The following TMEM47 variants were observed in gnomAD, a reference collection of about 807,000 sequenced individuals.
TMEM47 encodes the protein brain cell membrane protein 1.
TMEM47 carries 3 observed loss-of-function variants against 12.4 expected under a neutral mutation model. That is an observed-to-expected ratio of 0.24 (90% confidence interval 0.11 to 0.63). The LOEUF is 0.63. TMEM47 is among the 20% of genes least tolerant of loss of function. TMEM47 has a pLI of 0.86. For synonymous variants in TMEM47, 62 were observed against 63.3 expected, an observed-to-expected ratio of 0.98 and a Z score of 0.10; for missense variants, 89 against 143.8, an observed-to-expected ratio of 0.62 and a Z score of 1.95.
chrX:34,643,783 C>T (rs766978301), intron 1 of TMEM47, among the ~76,000 whole-genome samples: 4 of 111,389 alleles, frequency 3.6e-5, no homozygotes, highest in South Asian at 3.9e-4. Flanking sequence ...AATGTCACGC[C>T]AGCTGATTGG....
rs1458203025 is a variant in TMEM47, at chrX:34,628,914, T to C, written c.*1399A>G. On this transcript the variant is annotated 3_prime_UTR_variant, in exon 3 of 3. Transcript: ENST00000275954. ...TGAGATTAGTTGCAAACTTATTCCC[T>C]ATTATTAATACTTCCTTCCATTGAA... 8.9e-6 allele frequency: 1 copy of C among 111,836 alleles called. No homozygotes were observed. Among genetic ancestry groups the C allele is most frequent in the African/African-American group, 3.3e-5 (1 of 30,749 alleles). The allele number at this position is 111,836 out of a possible 1,213,427, so 9.2% of individuals were successfully genotyped here. A position where few individuals can be genotyped will look rare whatever the true frequency, so the allele number is the denominator to read the frequency against.
chrX:34,646,333 CA>C (rs1489786895), intron 1 of TMEM47, among the ~76,000 whole-genome samples: 3 of 111,567 alleles, frequency 2.7e-5, no homozygotes. Flanking sequence ...GTTTTTTCCT[CA>C]AATAAAACCA....
Position 34,657,253 on chromosome X carries a change from C to G in TMEM47, c.-224G>C. On this transcript the variant is annotated 5_prime_UTR_variant, in exon 1 of 3. Transcript: ENST00000275954. ...AGCCGCAGCGACGTCGATTCCACCC[C>G]GGACCTTCGCCGCCGGCCCCGCGCC... is the stretch of plus-strand genomic sequence containing the variant. The G allele has an allele frequency of 1.3e-5, 5 of 388,068 alleles. No individual in the cohort carries two copies. The highest frequency in any genetic ancestry group is 1.8e-5 in the Non-Finnish European group (5 of 272,064). The allele number at this position is 388,068 out of a possible 1,213,427, so 32.0% of individuals were successfully genotyped here. A position where few individuals can be genotyped will look rare whatever the true frequency, so the allele number is the denominator to read the frequency against.
intron 1 of TMEM47, among the ~76,000 whole-genome samples, chrX:34,645,704 T>A (rs945076653): frequency 3.6e-5 from 4 of 112,082 alleles, no homozygotes; most frequent in Non-Finnish European, 7.5e-5. Context: ...ATAATTAAAA[T>A]GACCACTTCT....
At chrX:34,637,180 C>A (rs1054719173) in intron 2 of TMEM47, among the ~76,000 whole-genome samples, 1 of 111,100 alleles carries the variant, frequency 9.0e-6, no homozygotes, top group African/African-American at 3.3e-5. Flanking sequence ...ATATCTAATT[C>A]TGAAGTCTAG....
chrX:34,652,487 T>G (rs1391101553), intron 1 of TMEM47, among the ~76,000 whole-genome samples: 2 of 112,177 alleles, frequency 1.8e-5, no homozygotes, highest in African/African-American at 6.5e-5. Flanking sequence ...TGTTTTGTTT[T>G]GAAATGTTTT....
chrX:34,650,654 A>G (rs1258780234), intron 1 of TMEM47, among the ~76,000 whole-genome samples: 3 of 112,334 alleles, frequency 2.7e-5, no homozygotes, highest in East Asian at 2.8e-4. Context: ...TCATGTAGCA[A>G]GCGTATCATC....
chrX:34,646,715 T>C (rs1921917825), intron 1 of TMEM47, among the ~76,000 whole-genome samples: 1 of 111,052 alleles, frequency 9.0e-6, no homozygotes, highest in Non-Finnish European at 1.9e-5. Flanking sequence ...CAACTAAAGT[T>C]ACTGTAATGG....
chrX:34,630,611 T>G (rs1297519884), intron 2 of TMEM47, 120 bp from the exon 3 acceptor site: 1 of 601,298 alleles, frequency 1.7e-6, no homozygotes, highest in Non-Finnish European at 2.4e-6. Flanking sequence ...AAGCCAAAAA[T>G]TTTAAAGATG....
chrX:34,633,760 T>C (rs1453943950), intron 2 of TMEM47, among the ~76,000 whole-genome samples: 1 of 111,325 alleles, frequency 9.0e-6, no homozygotes, highest in African/African-American at 3.3e-5. Context: ...GCCTCCATGG[T>C]ATAATATAAT....
At chrX:34,642,968 G>C (rs1921844390) in intron 1 of TMEM47, among the ~76,000 whole-genome samples, 1 of 111,759 alleles carries the variant, frequency 8.9e-6, no homozygotes, top group Admixed American at 9.5e-5. Context: ...TGAAAAAGTG[G>C]TTCGATATGG....
At chrX:34,637,318 A>C (rs1195278601) in intron 2 of TMEM47, among the ~76,000 whole-genome samples, 1 of 110,368 alleles carries the variant, frequency 9.1e-6, no homozygotes, top group Non-Finnish European at 1.9e-5. Context: ...CCTAAATAAA[A>C]GACCTCAGAG....
intron 1 of TMEM47, among the ~76,000 whole-genome samples, chrX:34,650,715 T>G (rs765846864): frequency 8.9e-6 from 1 of 112,277 alleles, no homozygotes; most frequent in Non-Finnish European, 1.9e-5. Context: ...TCATACAACA[T>G]AAAGTAGCAA....
intron 1 of TMEM47, among the ~76,000 whole-genome samples, chrX:34,655,377 T>G: frequency 9.0e-6 from 1 of 111,603 alleles, no homozygotes; most frequent in African/African-American, 3.3e-5. Flanking sequence ...TCTGCCGATT[T>G]ATTTTATCTT....
In TMEM47 at chrX:34,627,282, A is replaced by G. The variant is rs1354934199; in HGVS notation, c.*3031T>C. 2 of 112,268 alleles carry G rather than the reference A, an allele frequency of 1.8e-5. No individual in the cohort carries two copies. The highest frequency in any genetic ancestry group is 6.5e-5 in the African/African-American group (2 of 30,837). 9.3% of individuals were successfully genotyped at this position (112,268 alleles called of 1,213,427 possible). On this transcript the variant is annotated 3_prime_UTR_variant, in exon 3 of 3. Transcript: ENST00000275954. ...GTAAACATGTCATATATTTAAAAAT[A>G]ATAAATATAGAATAGCAGTACAGAA...
At chrX:34,636,023 C>G (rs1921709749) in intron 2 of TMEM47, among the ~76,000 whole-genome samples, 1 of 111,974 alleles carries the variant, frequency 8.9e-6, no homozygotes, top group Non-Finnish European at 1.9e-5. Context: ...CTACTAGTGG[C>G]AGCAGTATGA....
intron 1 of TMEM47, among the ~76,000 whole-genome samples, chrX:34,645,932 C>T (rs1921902332): frequency 9.0e-6 from 1 of 111,389 alleles, no homozygotes; most frequent in Admixed American, 9.6e-5. Context: ...AGGTTGGCAA[C>T]AATTTGATTT....
intron 2 of TMEM47, among the ~76,000 whole-genome samples, chrX:34,636,278 A>G (rs946054855): frequency 2.9e-4 from 32 of 111,592 alleles, no homozygotes; most frequent in African/African-American, 9.1e-4. Context: ...GAGATAGCTC[A>G]GAGATGGAAA....
chrX:34,627,608 T>G lies in TMEM47; in HGVS notation c.*2705A>C, dbSNP rs775532386. 8.9e-6 allele frequency: 1 copy of G among 112,306 alleles called. No homozygotes were observed. Among genetic ancestry groups the G allele is most frequent in the African/African-American group, 3.2e-5 (1 of 30,954 alleles). 9.3% of individuals were successfully genotyped at this position (112,306 alleles called of 1,213,427 possible). On this transcript the variant is annotated 3_prime_UTR_variant, in exon 3 of 3. Coordinates refer to ENST00000275954, the MANE Select transcript of TMEM47 (RefSeq NM_031442.4). ...TTTACATGTTGAACTTACAAAAAGCTAAATAATTGTGCAAGAAATCGGAAT... is the reference window on the plus strand; with the variant it reads ...TTTACATGTTGAACTTACAAAAAGCGAAATAATTGTGCAAGAAATCGGAAT...
Sources: gnomAD v4.1 joint callset for allele counts (sites outside exome capture counted in the v4.1 genomes callset) on GRCh38, gnomAD v4.1.1 for gene constraint, MANE v1.5 for transcripts, NCBI Gene and HGNC (gene_info 2026-07-23, HGNC 2026-07-21) for gene names.